Variants in KCNT1 observed in about 807,000 individuals in gnomAD.
KCNT1 encodes potassium channel subfamily T member 1.
Under a neutral mutation model 147.8 loss-of-function variants are expected in KCNT1, and 78 were observed. The observed-to-expected ratio is 0.53, with a 90% CI of 0.44 to 0.64. KCNT1 has a LOEUF of 0.64. KCNT1 is among the 30% of genes least tolerant of loss of function. KCNT1 has a pLI of 0.00. For synonymous variants in KCNT1, 867 were observed against 748.8 expected (o/e 1.16, Z -2.58); for missense variants, 1,419 against 1,750.3 (o/e 0.81, Z 3.38).
At chr9:135,784,923 A>T (rs184273856) in intron 27 of KCNT1, 34 bp downstream of exon 27, 8 of 1,607,270 alleles carry the variant, frequency 5.0e-6, no homozygotes, top group Non-Finnish European at 6.8e-6. Flanking sequence ...GGACTGTGGC[A>T]GCCCCTGTCC....
intron 2 of KCNT1, among the ~76,000 whole-genome samples, chr9:135,731,583 A>G (rs1219926150): frequency 2.0e-5 from 3 of 151,836 alleles, no homozygotes; most frequent in African/African-American, 7.3e-5. Context: ...GGGCGTGTGC[A>G]TTTGTGCCGC....
At chr9:135,757,473 G>A (rs1831576087) in intron 9 of KCNT1, 92 bp downstream of exon 9, 11 of 1,173,206 alleles carry the variant, frequency 9.4e-6, no homozygotes, top group East Asian at 2.4e-5. Context: ...AGCCTGCCAC[G>A]CCCCGGCCCT....
chr9:135,791,699 A>G lies in KCNT1; in HGVS notation c.3503-98A>G, dbSNP rs1474433825. 5 of 1,026,290 alleles carry G rather than the reference A, an allele frequency of 4.9e-6. No homozygotes were observed. In the East Asian group the frequency reaches 9.5e-5, roughly 20 times the overall value. 63.6% of individuals were successfully genotyped at this position (1,026,290 alleles called of 1,614,324 possible). On this transcript the variant is annotated intron_variant, in intron 29 of 30. Transcript: ENST00000371757. The stretch of plus-strand genomic sequence containing the variant: ...CAGAATGGTCAGGAAGGCCGGAAAG[A>G]CTCAGCTCATCCTGGAGCCCCCACA...
At chr9:135,747,131 C>A (rs1203205952) in intron 2 of KCNT1, among the ~76,000 whole-genome samples, 1 of 151,984 alleles carries the variant, frequency 6.6e-6, no homozygotes, top group Non-Finnish European at 1.5e-5. Flanking sequence ...CTGGGGTCCC[C>A]CAAGGAGAAC....
chr9:135,778,291 A>G, intron 21 of KCNT1, 133 bp from the exon 22 acceptor site: 1 of 728,394 alleles, frequency 1.4e-6, no homozygotes, highest in Non-Finnish European at 2.3e-6. Context: ...AGTACTCCCC[A>G]GGTCCCATAC....
At chr9:135,769,335 C>A (rs553885622) in intron 15 of KCNT1, among the ~76,000 whole-genome samples, 55 of 151,970 alleles carry the variant, frequency 3.6e-4, no homozygotes, top group African/African-American at 1.3e-3. Context: ...GTGTCTGGGG[C>A]AGGGCGCATG....
intron 1 of KCNT1, among the ~76,000 whole-genome samples, chr9:135,705,278 C>T (rs1456025269): frequency 6.6e-6 from 1 of 152,194 alleles, no homozygotes; most frequent in Non-Finnish European, 1.5e-5. Flanking sequence ...GCCATCGGCC[C>T]TGGAAAGGGT....
intron 2 of KCNT1, among the ~76,000 whole-genome samples, chr9:135,722,859 A>G (rs1835979800): frequency 6.6e-6 from 1 of 152,064 alleles, no homozygotes; most frequent in Admixed American, 6.5e-5. Context: ...ATACCATCCC[A>G]TCAGCGGTGG....
At position 135,730,119 on chromosome 9, in the gene KCNT1, A is replaced by C. The variant is rs1397861668; in HGVS notation, c.254+15399A>C. Among the ~76,000 whole-genome samples, 1 of 152,046 alleles carries C rather than the reference A, an allele frequency of 6.6e-6. No individual in the cohort carries two copies. The highest frequency in any genetic ancestry group is 1.5e-5 in the Non-Finnish European group (1 of 68,010). ...TGGGAGCTGTGCACCCCCAAATATAATTCCTGCTGGAAACACCCTCGACCC... is the reference window on the plus strand; with the variant it reads ...TGGGAGCTGTGCACCCCCAAATATACTTCCTGCTGGAAACACCCTCGACCC... On this transcript the variant is annotated intron_variant, in intron 2 of 30. Coordinates refer to ENST00000371757, the MANE Select transcript of KCNT1 (RefSeq NM_020822.3). The surrounding 1 kb of genome is among the most constrained non-coding windows in gnomAD (Gnocchi z 4.7).
At chr9:135,773,914 C>A (rs912533838) in intron 19 of KCNT1, among the ~76,000 whole-genome samples, 13 of 152,126 alleles carry the variant, frequency 8.5e-5, no homozygotes, top group African/African-American at 3.1e-4. Context: ...GTCAGGGAGG[C>A]ATGGCGGGCG....
rs527489285 is a variant in KCNT1 at position 135,734,754 on chromosome 9, G to A, written c.255-15344G>A. Among the ~76,000 whole-genome samples the A allele has an allele frequency of 2.1e-3, 322 of 152,302 alleles. 1 individual carries two copies. The highest frequency in any genetic ancestry group is 7.2e-3 in the African/African-American group (301 of 41,554). On this transcript the variant is annotated intron_variant, in intron 2 of 30. Transcript: ENST00000371757. ...TGCGTGAGGCTTCCTCCAGCACTGC[G>A]GTGGGCTGTGGGTTCGTTCCCAGGG...
intron 21 of KCNT1, among the ~76,000 whole-genome samples, chr9:135,777,885 CCACTCCCAGTTCCCCCT>C (rs1833288917): frequency 6.6e-6 from 1 of 151,566 alleles, no homozygotes; most frequent in Admixed American, 6.6e-5. Flanking sequence ...CAGCTTCTCC[CCACTCCCAGTTCCCCCT>C]CACTCCCAGC....
intron 28 of KCNT1, chr9:135,785,787 C>T (rs183069225): frequency 5.7e-5 from 24 of 421,256 alleles, no homozygotes; most frequent in South Asian, 4.9e-4. Context: ...CAAGAGGGAT[C>T]AGGGCTCATC....
chr9:135,736,744 C>T (rs1231396213), intron 2 of KCNT1: 1 of 377,842 alleles, frequency 2.6e-6, no homozygotes, highest in Non-Finnish European at 4.7e-6. Flanking sequence ...CCCGCTGCTG[C>T]CGGCCCGCGG....
intron 2 of KCNT1, among the ~76,000 whole-genome samples, chr9:135,732,008 A>AGAGAGAGAGAGAGG (rs1588279389): frequency 3.1e-5 from 3 of 97,878 alleles, no homozygotes; most frequent in East Asian, 6.6e-4. Context: ...AGAGAGAGAG[A>AGAGAGAGAGAGAGG]GAGAGAGAGA....
rs770824523 is a variant in KCNT1, at chr9:135,778,411, G to A, written c.2523-13G>A. 43 of 1,549,886 alleles carry A rather than the reference G, an allele frequency of 2.8e-5. No individual in the cohort carries two copies. The highest frequency in any genetic ancestry group is 1.7e-4 in the Middle Eastern group (1 of 5,930). ...AAGCAGGGTGGGCCCCTCCAGGACC[G>A]CTGTCCCCACAGGCCCGACCACCAC... On this transcript the variant is annotated splice_polypyrimidine_tract_variant and intron_variant, in intron 21 of 30. Coordinates refer to ENST00000371757, the MANE Select transcript of KCNT1 (RefSeq NM_020822.3).
chr9:135,768,611 A>G lies in KCNT1; in HGVS notation c.1339A>G (p.Met447Val). 6.5e-7 allele frequency: 1 copy of G among 1,550,144 alleles called. No individual in the cohort carries two copies. Among genetic ancestry groups the G allele is most frequent in the Non-Finnish European group, 8.7e-7 (1 of 1,146,688 alleles). The part of the protein sequence containing the change: ...LKDQDLMRAK[M>V]DNGEACFILS... ...CGCTCAGGCCCTGGTGCATTGCAGG[A>G]TGGACAATGGGGAGGCCTGCTTCAT... Residue 447 changes from methionine to valine, a missense_variant and splice_region_variant, in exon 14 of 31, where the codon ATG becomes GTG. Physicochemically the swap from Met to Val is conservative, Grantham distance 21. Transcript: ENST00000371757.
intron 11 of KCNT1, among the ~76,000 whole-genome samples, chr9:135,761,548 C>T (rs1455280971): frequency 6.6e-6 from 1 of 152,236 alleles, no homozygotes; most frequent in Non-Finnish European, 1.5e-5. Context: ...CTGCAAAGAC[C>T]CTTTTGCAAA....
chr9:135,768,871 G>GC lies in KCNT1; in HGVS notation c.1449dup (p.Asn484GlnfsTer12). ...GCGCGCCTGGGCCGTGAAGGACTTC[G>GC]CCCCCAACTGCCCCCTCTACGTCCA... On this transcript the variant is annotated frameshift_variant, in exon 15 of 31. Transcript: ENST00000371757. LOFTEE classifies it high-confidence loss of function. 6.2e-7 allele frequency: 1 copy of GC among 1,613,244 alleles called. No homozygotes were observed. The highest frequency in any genetic ancestry group is 8.5e-7 in the Non-Finnish European group (1 of 1,179,908).
Sources: gnomAD v4.1 joint callset for allele counts (sites outside exome capture counted in the v4.1 genomes callset) on GRCh38, gnomAD v4.1.1 for gene constraint, Gnocchi (gnomAD v3.1) non-coding constraint, MANE v1.5 for transcripts, NCBI Gene and HGNC (gene_info 2026-07-23, HGNC 2026-07-21) for gene names.